GANC: variants seen among roughly 807,000 people sequenced by gnomAD.
GANC encodes glucosidase alpha, neutral C, also known as neutral alpha-glucosidase C.
Under a neutral mutation model 124.2 loss-of-function variants are expected in GANC, and 117 were observed. The observed-to-expected ratio is 0.94, with a 90% CI of 0.81 to 1.10. The LOEUF is 1.10. Ranked by LOEUF, GANC falls within the 50% of genes least tolerant of loss-of-function variation. The probability of loss-of-function intolerance (pLI) is 0.00; values close to 1 mark genes in which losing one functional copy is unlikely to be tolerated. For missense variants in GANC, 1,140 were observed against 1,095.0 expected (o/e 1.04, Z -0.58); for synonymous variants, 377 against 376.8 (o/e 1.00, Z -0.01).
rs768027889 is a variant in GANC at position 42,353,223 on chromosome 15, C to T, written c.*1084C>T. The T allele has an allele frequency of 8.1e-6, 8 of 985,836 alleles. No individual in the cohort carries two copies. The highest frequency in any genetic ancestry group is 3.5e-5 in the African/African-American group (2 of 57,184). 61.1% of individuals were successfully genotyped at this position (985,836 alleles called of 1,614,324 possible). A position where few individuals can be genotyped will look rare whatever the true frequency, so the allele number is the denominator to read the frequency against. ...GCCACAGCATCTGTTTTAGCAGCCTCGACTCCTCAGCACTCCTCAGCACAC... is the reference window on the plus strand; with the variant it reads ...GCCACAGCATCTGTTTTAGCAGCCTTGACTCCTCAGCACTCCTCAGCACAC... On this transcript the variant is annotated 3_prime_UTR_variant, in exon 24 of 24. Transcript: ENST00000318010.
At chr15:42,295,796 G>A (rs2051886254) in intron 5 of GANC, among the ~76,000 whole-genome samples, 1 of 152,062 alleles carries the variant, frequency 6.6e-6, no homozygotes, top group African/African-American at 2.4e-5. Flanking sequence ...CAACAAATCA[G>A]TTTTTGCCTT....
Position 42,292,924 on chromosome 15 carries a change from TTA to T in GANC, c.512+9_512+10del, listed in dbSNP as rs771490540. The T allele has an allele frequency of 2.9e-5, 47 of 1,612,510 alleles. No individual in the cohort carries two copies. Among genetic ancestry groups the T allele is most frequent in the Admixed American group, 3.3e-5 (2 of 59,966 alleles). ...AGATTCTTCACAAACAAAGGTATTC[TTA>T]TGCATTACTTGACACATAAAGACCT... On this transcript the variant is annotated splice_region_variant and intron_variant, in intron 5 of 23. Transcript: ENST00000318010.
In GANC at chr15:42,339,305, AACACACACACACACACAC is replaced by A. The variant is rs60116980; in HGVS notation, c.1844-328_1844-311del. On this transcript the variant is annotated intron_variant, in intron 16 of 23. Transcript: ENST00000318010. ...AATCAGTTGCCAACCACCCCCCTCCAACACACACACACACACACACACACACACACACACACACACACA... is the reference window on the plus strand; with the variant it reads ...AATCAGTTGCCAACCACCCCCCTCCAACACACACACACACACACACACACA... Among the ~76,000 whole-genome samples the A allele has an allele frequency of 5.2e-3, 619 of 119,244 alleles. 2 individuals are homozygous for A. Among genetic ancestry groups the A allele is most frequent in the Middle Eastern group, 0.021 (5 of 236 alleles). 78.2% of individuals were successfully genotyped at this position (119,244 alleles called of 152,430 possible). A position where few individuals can be genotyped will look rare whatever the true frequency, so the allele number is the denominator to read the frequency against.
intron 5 of GANC, among the ~76,000 whole-genome samples, chr15:42,296,805 T>C (rs2051896459): frequency 6.6e-6 from 1 of 152,078 alleles, no homozygotes; most frequent in Non-Finnish European, 1.5e-5. Context: ...GCTGTATATA[T>C]TCTTTTGTAA....
intron 15 of GANC, among the ~76,000 whole-genome samples, chr15:42,332,175 A>T (rs1214836276): frequency 6.6e-6 from 1 of 152,188 alleles, no homozygotes; most frequent in African/African-American, 2.4e-5. Context: ...ATAAAAGATT[A>T]ATGGAAGATA....
chr15:42,326,567 G>A, intron 12 of GANC, 143 bp downstream of exon 12: 2 of 1,371,530 alleles, frequency 1.5e-6, no homozygotes, highest in East Asian at 4.8e-5. Flanking sequence ...GAAGAGATAG[G>A]TTTGCCTTCT....
At position 42,306,610 on chromosome 15, in the gene GANC, A is replaced by G; in HGVS notation, c.623A>G (p.Asn208Ser). 1 of 1,603,622 alleles carries G rather than the reference A, an allele frequency of 6.2e-7. No homozygotes were observed. The highest frequency in any genetic ancestry group is 8.5e-7 in the Non-Finnish European group (1 of 1,170,864). The change falls in exon 7 of 24, where the codon AAT becomes AGT. Residue 208 changes from asparagine to serine, a missense_variant and splice_region_variant. By Grantham distance (46) the Asn-to-Ser change is conservative. Transcript: ENST00000318010. ...KFGKFVDIKANGPSSIGLDFS... is the reference protein window; with the variant it reads ...KFGKFVDIKASGPSSIGLDFS... ...GGAAAATTTGTGGATATCAAAGCTA[A>G]TGGTAAAATTGAAACTGGTATAGTA...
rs543831117 is a variant in GANC at position 42,326,130 on chromosome 15, C to G, written c.1294-168C>G. On this transcript the variant is annotated intron_variant, in intron 11 of 23. Coordinates refer to ENST00000318010, the MANE Select transcript of GANC (RefSeq NM_198141.3). ...AAAGGTTATAGGGTTTTACTGGTGT[C>G]TGAAATATTTATTTTTTGTTTTTGT... is the stretch of plus-strand genomic sequence containing the variant. Among the ~76,000 whole-genome samples the G allele has an allele frequency of 7.2e-5, 11 of 152,312 alleles. 1 individual carries two copies. The South Asian group carries it at 2.3e-3, about 32-fold the overall frequency.
Position 42,310,373 on chromosome 15 carries a change from C to T in GANC, c.813C>T (p.Leu271=), listed in dbSNP as rs746543415. The T allele has an allele frequency of 1.2e-6, 2 of 1,613,774 alleles. No homozygotes were observed. The highest frequency in any genetic ancestry group is 1.7e-6 in the Non-Finnish European group (2 of 1,179,846). Residue 271 remains leucine (L), a synonymous_variant, in exon 9 of 24, where the codon CTC becomes CTT. Coordinates refer to ENST00000318010, the MANE Select transcript of GANC (RefSeq NM_198141.3). The part of the protein sequence containing the change: ...KMGIYGSVPY[L]LAHKLGRTIG... ...GCATTTATGGTTCAGTACCTTATCT[C>T]CTGGCCCACAAACTGGGCAGAACTA...
In GANC at chr15:42,273,546, CAG is replaced by C. The variant is rs1206712867; in HGVS notation, c.-934_-933del. The C allele has an allele frequency of 2.9e-6, 4 of 1,369,630 alleles. No individual in the cohort carries two copies. The highest frequency in any genetic ancestry group is 2.9e-6 in the Non-Finnish European group (3 of 1,026,002). The allele number at this position is 1,369,630 out of a possible 1,614,324, so 84.8% of individuals were successfully genotyped here. ...CTGTGCGGCGTAGCGGCCCCTCTCTCAGACAGTCGTCTGTGCGCCGTGAGACT... is the reference window on the plus strand; with the variant it reads ...CTGTGCGGCGTAGCGGCCCCTCTCTCACAGTCGTCTGTGCGCCGTGAGACT... On this transcript the variant is annotated 5_prime_UTR_variant, in exon 1 of 24. Coordinates refer to ENST00000318010, the MANE Select transcript of GANC (RefSeq NM_198141.3).
In GANC at chr15:42,352,220, C is replaced by T. The variant is rs2052451881; in HGVS notation, c.*81C>T. ...CCCCTCACCTTTTTTGAGATTTTTG[C>T]TGCAATCTGTTTGCCTTCCCTGAAT... On this transcript the variant is annotated 3_prime_UTR_variant, in exon 24 of 24. Coordinates refer to ENST00000318010, the MANE Select transcript of GANC (RefSeq NM_198141.3). 2.5e-6 allele frequency: 4 copies of T among 1,575,464 alleles called. No individual in the cohort carries two copies. Among genetic ancestry groups the T allele is most frequent in the Non-Finnish European group, 3.5e-6 (4 of 1,157,546 alleles).
At chr15:42,280,023 A>G (rs1462661969) in intron 3 of GANC, among the ~76,000 whole-genome samples, 1 of 152,218 alleles carries the variant, frequency 6.6e-6, no homozygotes, top group East Asian at 1.9e-4. Flanking sequence ...GTCATATGGA[A>G]TCTTCATCCA....
Position 42,353,015 on chromosome 15 carries a change from T to C in GANC, c.*876T>C. On this transcript the variant is annotated 3_prime_UTR_variant, in exon 24 of 24. Coordinates refer to ENST00000318010, the MANE Select transcript of GANC (RefSeq NM_198141.3). ...AATCCAATATTTTTAAAAATCAGAA[T>C]TAATGCAAAAAAAACCATGATGAAC... 1 of 753,104 alleles carries C rather than the reference T, an allele frequency of 1.3e-6. No homozygotes were observed. Among genetic ancestry groups the C allele is most frequent in the Non-Finnish European group, 1.6e-6 (1 of 617,848 alleles). 46.7% of individuals were successfully genotyped at this position (753,104 alleles called of 1,614,324 possible).
intron 1 of GANC, 70 bp downstream of exon 1, chr15:42,274,580 C>T (rs2051637167): frequency 7.1e-7 from 1 of 1,416,756 alleles, no homozygotes; most frequent in Admixed American, 2.4e-5. Flanking sequence ...GTTTTAATTG[C>T]ATTTCTTATT....
At chr15:42,299,523 T>C (rs1163347990) in intron 6 of GANC, among the ~76,000 whole-genome samples, 1 of 152,122 alleles carries the variant, frequency 6.6e-6, no homozygotes, top group Non-Finnish European at 1.5e-5. Flanking sequence ...TGAAGTTTTC[T>C]TACTGCCCAA....
intron 5 of GANC, among the ~76,000 whole-genome samples, chr15:42,295,826 T>TA (rs1297889749): frequency 6.6e-6 from 1 of 152,132 alleles, no homozygotes; most frequent in Admixed American, 6.5e-5. Context: ...GATGCTCTGT[T>TA]AGACTCATAC....
chr15:42,283,971 A>G, intron 3 of GANC: 4 of 702,616 alleles, frequency 5.7e-6, no homozygotes, highest in Non-Finnish European at 1.0e-5. Flanking sequence ...GCAACTGTAG[A>G]AGGGACAATT....
At chr15:42,316,547 G>C (rs547865902) in intron 10 of GANC, among the ~76,000 whole-genome samples, 1 of 152,304 alleles carries the variant, frequency 6.6e-6, no homozygotes, top group Non-Finnish European at 1.5e-5. Flanking sequence ...AAAGATCAAG[G>C]ACTTTAAGAC....
chr15:42,323,614 TG>T (rs2141058373), intron 11 of GANC, among the ~76,000 whole-genome samples: 1 of 152,286 alleles, frequency 6.6e-6, no homozygotes, highest in African/African-American at 2.4e-5. Context: ...GCAATTCTCC[TG>T]CCTCAGCCTC....
Sources: gnomAD v4.1 joint callset for allele counts (sites outside exome capture counted in the v4.1 genomes callset) on GRCh38, gnomAD v4.1.1 for gene constraint, MANE v1.5 for transcripts, NCBI Gene and HGNC (gene_info 2026-07-23, HGNC 2026-07-21) for gene names.